Variants in ZNF732 observed in about 807,000 individuals in gnomAD.
The protein encoded by ZNF732 is zinc finger protein 732.
Under a neutral mutation model 11.5 loss-of-function variants are expected in ZNF732, and 12 were observed. The ratio of observed to expected loss-of-function variants is 1.05; its 90% CI spans 0.67 to 1.70. ZNF732 has a LOEUF of 1.70. Ranked by LOEUF, ZNF732 falls within the 40% of genes most tolerant of loss-of-function variation. The probability of loss-of-function intolerance (pLI) is 0.00; values close to 1 mark genes in which losing one functional copy is unlikely to be tolerated. For missense variants in ZNF732, 702 were observed against 676.9 expected, an observed-to-expected ratio of 1.04 and a Z score of -0.41; for synonymous variants, 231 against 236.5, an observed-to-expected ratio of 0.98 and a Z score of 0.21.
In ZNF732 at chr4:305,445, C is replaced by T. The variant is rs559121631; in HGVS notation, c.-135G>A. 1.4e-5 allele frequency: 18 copies of T among 1,285,356 alleles called. No homozygotes were observed. The South Asian group carries it at 2.4e-4, about 17-fold the overall frequency. 79.6% of individuals were successfully genotyped at this position (1,285,356 alleles called of 1,614,324 possible). A position where few individuals can be genotyped will look rare whatever the true frequency, so the allele number is the denominator to read the frequency against. On this transcript the variant is annotated 5_prime_UTR_variant, in exon 1 of 4. Transcript: ENST00000419098. ...GGGGTGAAAGCACGGCCGTGGAGAC[C>T]CTAACCGAGCTCACGCTGGCGCAAA...
chr4:283,624 A>T (rs989267339), intron 3 of ZNF732, among the ~76,000 whole-genome samples: 3 of 152,140 alleles, frequency 2.0e-5, no homozygotes, highest in Non-Finnish European at 4.4e-5. Flanking sequence ...ATAAACATAT[A>T]TTAAAAGAAA....
chr4:271,192 A>G lies in ZNF732; in HGVS notation c.1665T>C (p.Asp555=). 1 of 1,554,354 alleles carries G rather than the reference A, an allele frequency of 6.4e-7. No homozygotes were observed. Among genetic ancestry groups the G allele is most frequent in the Non-Finnish European group, 8.7e-7 (1 of 1,148,486 alleles). Residue 555 remains aspartate, a synonymous_variant, in exon 4 of 4, where the codon GAT becomes GAC. Coordinates refer to ENST00000419098, the MANE Select transcript of ZNF732 (RefSeq NM_001137608.3). Reference sequence around the variant, plus strand: ...CACATCCTTTACATTTGGGGGTTTTATCTCCAGTATGAATTGTCTTATATT... The same window carrying G: ...CACATCCTTTACATTTGGGGGTTTTGTCTCCAGTATGAATTGTCTTATATT... ...LNKYKTIHTG[D]KTPKCKGCGK...
chr4:290,830 C>A (rs1423266302), intron 3 of ZNF732, among the ~76,000 whole-genome samples: 1 of 152,200 alleles, frequency 6.6e-6, no homozygotes, highest in East Asian at 1.9e-4. Flanking sequence ...CCCTTGTGAC[C>A]CAGCTACAAC....
intron 3 of ZNF732, among the ~76,000 whole-genome samples, chr4:284,802 C>T (rs773474824): frequency 5.3e-5 from 7 of 131,372 alleles, no homozygotes; most frequent in African/African-American, 8.5e-5. Context: ...ACCCAGGAGG[C>T]GGAGGTTGTG....
chr4:299,552 T>C lies in ZNF732; in HGVS notation c.4-3397A>G, dbSNP rs868986106. On this transcript the variant is annotated intron_variant, in intron 1 of 3. Transcript: ENST00000419098. ...ATATATACATATATACACATATATA[T>C]GTATATATATAGTTTTATATATATA... Among the ~76,000 whole-genome samples the C allele has an allele frequency of 3.8e-4, 52 of 138,598 alleles. 2 individuals carry two copies. The highest frequency in any genetic ancestry group is 5.9e-4 in the Non-Finnish European group (38 of 64,848). 90.9% of individuals were successfully genotyped at this position (138,598 alleles called of 152,430 possible). A position where few individuals can be genotyped will look rare whatever the true frequency, so the allele number is the denominator to read the frequency against.
At chr4:283,124 G>A (rs568168279) in intron 3 of ZNF732, among the ~76,000 whole-genome samples, 3 of 152,028 alleles carry the variant, frequency 2.0e-5, no homozygotes, top group South Asian at 2.1e-4. Context: ...ATTATTCCAC[G>A]AGTGGGTTAG....
rs532206158 is a variant in ZNF732 at position 292,842 on chromosome 4, C to G, written c.226+2596G>C. On this transcript the variant is annotated intron_variant, in intron 3 of 3. Coordinates refer to ENST00000419098, the MANE Select transcript of ZNF732 (RefSeq NM_001137608.3). ...TGGGCGGATCACGAGCTCAGGAGATCGAGACCATCCTGGCTAACATGGTGA... is the reference window on the plus strand; with the variant it reads ...TGGGCGGATCACGAGCTCAGGAGATGGAGACCATCCTGGCTAACATGGTGA... Among the ~76,000 whole-genome samples, 121 of 131,322 alleles carry G rather than the reference C, an allele frequency of 9.2e-4. 1 individual carries two copies. Among genetic ancestry groups the G allele is most frequent in the Non-Finnish European group, 1.5e-3 (101 of 65,266 alleles). The allele number at this position is 131,322 out of a possible 152,430, so 86.2% of individuals were successfully genotyped here. A position where few individuals can be genotyped will look rare whatever the true frequency, so the allele number is the denominator to read the frequency against.
At chr4:304,685 C>A (rs1553844113) in intron 1 of ZNF732, among the ~76,000 whole-genome samples, 1 of 152,224 alleles carries the variant, frequency 6.6e-6, no homozygotes, top group East Asian at 1.9e-4. Flanking sequence ...CAGAACTACT[C>A]ACAGAACTCA....
Position 295,961 on chromosome 4 carries a change from T to G in ZNF732, c.130+68A>C, listed in dbSNP as rs1553842187. 2.6e-6 allele frequency: 4 copies of G among 1,558,066 alleles called. No individual in the cohort carries two copies. In the Admixed American group the frequency reaches 6.3e-5, roughly 24 times the overall value. On this transcript the variant is annotated intron_variant, in intron 2 of 3. Transcript: ENST00000419098. ...CAAAGCAGAAGGTTCCCAAGAGACA[T>G]TCTACAAAAATAGAAAATAAAACTC...
At chr4:279,204 C>T (rs1400400584) in intron 3 of ZNF732, among the ~76,000 whole-genome samples, 2 of 151,498 alleles carry the variant, frequency 1.3e-5, no homozygotes, top group Non-Finnish European at 2.9e-5. Context: ...TTTGGGAGGC[C>T]GAGGCGGGCA....
At chr4:289,234 A>C (rs1216657661) in intron 3 of ZNF732, among the ~76,000 whole-genome samples, 8 of 152,178 alleles carry the variant, frequency 5.3e-5, no homozygotes, top group African/African-American at 1.9e-4. Context: ...CTGTGAAGTG[A>C]GACTTGGGTA....
At chr4:278,483 T>C (rs376044884) in intron 3 of ZNF732, among the ~76,000 whole-genome samples, 1 of 152,214 alleles carries the variant, frequency 6.6e-6, no homozygotes, top group Admixed American at 6.5e-5. Context: ...AAGTTAAATA[T>C]TAAATTTGAA....
chr4:275,254 T>C (rs1206955205), intron 3 of ZNF732, among the ~76,000 whole-genome samples: 1 of 151,742 alleles, frequency 6.6e-6, no homozygotes, highest in African/African-American at 2.4e-5. Context: ...AAAATTTACA[T>C]ATTTATAGAA....
At chr4:289,489 C>T (rs1310711274) in intron 3 of ZNF732, among the ~76,000 whole-genome samples, 4 of 152,196 alleles carry the variant, frequency 2.6e-5, no homozygotes, top group East Asian at 1.9e-4. Context: ...ACTCTGATTA[C>T]CAGAAGTTTT....
intron 3 of ZNF732, among the ~76,000 whole-genome samples, chr4:294,339 G>C (rs968273072): frequency 6.6e-6 from 1 of 152,082 alleles, no homozygotes; most frequent in African/African-American, 2.4e-5. Context: ...GCTTCACTTC[G>C]TTTCCAAGAA....
Position 271,689 on chromosome 4 carries a change from A to G in ZNF732, c.1168T>C (p.Tyr390His), listed in dbSNP as rs1719369592. ...GCTTTTCCACATTCTTCACATGTGT[A>G]GGGTTTCTCTCCAGTATGAATACTC... ...HKSIHTGEKP[Y>H]TCEECGKAFS... is the part of the protein sequence containing the mutation. Residue 390 changes from tyrosine (Y) to histidine (H), a missense_variant, in exon 4 of 4, where the codon TAC becomes CAC. Physicochemically the swap from Tyr to His is moderately conservative, Grantham distance 83. This residue lies in a region of ZNF732 where 596 missense variants were observed against 557.9 expected (regional missense o/e 1.07). Transcript: ENST00000419098. The G allele has an allele frequency of 9.3e-6, 15 of 1,612,588 alleles. No individual in the cohort carries two copies. The highest frequency in any genetic ancestry group is 1.3e-5 in the Non-Finnish European group (15 of 1,179,230).
At chr4:305,272 C>T in intron 1 of ZNF732, 36 bp downstream of exon 1, 1 of 1,601,802 alleles carries the variant, frequency 6.2e-7, no homozygotes, top group Non-Finnish European at 8.5e-7. Flanking sequence ...CGGATGAGGC[C>T]TCCCCAGCCT....
In ZNF732 at chr4:271,611, T is replaced by C; in HGVS notation, c.1246A>G (p.Arg416Gly). The change falls in exon 4 of 4, where the codon AGG becomes GGG. Residue 416 changes from arginine (R) to glycine (G), a missense_variant. Arg to Gly is a moderately radical substitution (Grantham distance 125). This residue lies in a region of ZNF732 where 596 missense variants were observed against 557.9 expected (regional missense o/e 1.07). Transcript: ENST00000419098. ...CCACACTCTTCACATTTGTGGGGCC[T>C]CTCTCCAGTATGAATTCTCTTATGT... ...NEHKRIHTGE[R>G]PHKCEECGKA... 1 of 1,612,400 alleles carries C rather than the reference T, an allele frequency of 6.2e-7. No individual in the cohort carries two copies. Among genetic ancestry groups the C allele is most frequent in the Non-Finnish European group, 8.5e-7 (1 of 1,179,100 alleles).
At chr4:292,464 G>A (rs1490154445) in intron 3 of ZNF732, among the ~76,000 whole-genome samples, 2 of 150,384 alleles carry the variant, frequency 1.3e-5, no homozygotes, top group Non-Finnish European at 2.9e-5. Flanking sequence ...GGCTGAGGCA[G>A]AAGAATCACT....
Sources: allele counts gnomAD v4.1 joint callset (sites outside exome capture counted in the v4.1 genomes callset), GRCh38; gene constraint gnomAD v4.1.1; regional missense constraint gnomAD v4.1.1; transcripts MANE v1.5; gene names NCBI Gene and HGNC (gene_info 2026-07-23, HGNC 2026-07-21).